TRAPPC8: variants seen among roughly 807,000 people sequenced by gnomAD.
The protein encoded by TRAPPC8 is general sporulation gene 1 homolog.
Under a neutral mutation model 174.3 loss-of-function variants are expected in TRAPPC8, and 54 were observed. That is an observed-to-expected ratio of 0.31 (90% CI 0.25 to 0.39). The LOEUF (loss-of-function observed/expected upper bound fraction) is 0.39. Among genes scored for constraint, TRAPPC8 ranks in the 10% least tolerant of loss-of-function variants. The pLI, the probability that TRAPPC8 is intolerant of heterozygous loss-of-function variation, is 1.00. For missense variants in TRAPPC8, 1,531 were observed against 1,699.1 expected, an observed-to-expected ratio of 0.90 and a Z score of 1.74; for synonymous variants, 630 against 579.9, an observed-to-expected ratio of 1.09 and a Z score of -1.24.
rs749972515 is a variant in TRAPPC8, at chr18:31,880,081, G to GAAAAAAA, written c.1729-5384_1729-5378dup. 1.5e-3 allele frequency among the ~76,000 whole-genome samples: 79 copies of GAAAAAAA among 52,708 alleles called. 1 individual carries two copies. The highest frequency in any genetic ancestry group is 6.3e-3 in the African/African-American group (67 of 10,676). 34.6% of individuals were successfully genotyped at this position (52,708 alleles called of 152,430 possible). ...TGGTACCAATTTTACTGAAACTATT[G>GAAAAAAA]AAAAAAAAAATATATATATATATAT... On this transcript the variant is annotated intron_variant, in intron 12 of 28. Transcript: ENST00000283351.
intron 2 of TRAPPC8, among the ~76,000 whole-genome samples, chr18:31,928,110 C>T (rs140994314): frequency 0.01 from 1,537 of 151,200 alleles, 31 homozygotes; most frequent in African/African-American, 0.035. Flanking sequence ...GAGCCAAGAT[C>T]GTGCCACTAC....
chr18:31,903,121 C>CGTGCGT lies in TRAPPC8; in HGVS notation c.1390-2097_1390-2096insACGCAC, dbSNP rs1555674907. Among the ~76,000 whole-genome samples the CGTGCGT allele has an allele frequency of 8.2e-3, 1,228 of 149,088 alleles. 7 individuals are homozygous for CGTGCGT. Among genetic ancestry groups the CGTGCGT allele is most frequent in the Non-Finnish European group, 0.012 (830 of 67,144 alleles). On this transcript the variant is annotated intron_variant, in intron 9 of 28. Transcript: ENST00000283351. ...TTTTGATTGCGCGCGTGCGTGCGTG[C>CGTGCGT]GTGTGTGTGTGTGTGTGTGTGTTTT...
At position 31,878,705 on chromosome 18, in the gene TRAPPC8, C is replaced by G. The variant is rs949619834; in HGVS notation, c.1729-4001G>C. The stretch of plus-strand genomic sequence containing the variant: ...ATTGTTCTACTCAAAAGACAAGATC[C>G]AAGCATATGCTATCTACAAGAGACC... On this transcript the variant is annotated intron_variant, in intron 12 of 28. Coordinates refer to ENST00000283351, the MANE Select transcript of TRAPPC8 (RefSeq NM_014939.5). Among the ~76,000 whole-genome samples, 90 of 152,064 alleles carry G rather than the reference C, an allele frequency of 5.9e-4. 2 individuals carry two copies. The highest frequency in any genetic ancestry group is 5.8e-3 in the Admixed American group (89 of 15,276).
At chr18:31,903,886 G>A (rs902732934) in intron 9 of TRAPPC8, among the ~76,000 whole-genome samples, 3 of 151,502 alleles carry the variant, frequency 2.0e-5, no homozygotes, top group Admixed American at 2.0e-4. Flanking sequence ...CATTCTACTG[G>A]CAATAACTAG....
At chr18:31,899,119 C>A (rs985357390) in intron 10 of TRAPPC8, among the ~76,000 whole-genome samples, 1 of 152,138 alleles carries the variant, frequency 6.6e-6, no homozygotes, top group South Asian at 2.1e-4. Flanking sequence ...ACACAAAAGA[C>A]TAACTCCTAT....
chr18:31,835,922 C>T (rs1000978684), intron 27 of TRAPPC8, among the ~76,000 whole-genome samples: 2 of 152,192 alleles, frequency 1.3e-5, no homozygotes, highest in African/African-American at 2.4e-5. Context: ...GGACTGGGCC[C>T]AAAATATATG....
rs536633135 is a variant in TRAPPC8 at position 31,931,649 on chromosome 18, G to A, written c.158-126C>T. ...AGAAGCCAGCAATTCCAAGTGGAACGTTCTTCCAGAAATATAAATGGTTGA... is the reference window on the plus strand; with the variant it reads ...AGAAGCCAGCAATTCCAAGTGGAACATTCTTCCAGAAATATAAATGGTTGA... On this transcript the variant is annotated intron_variant, in intron 1 of 28. Transcript: ENST00000283351. 4.8e-5 allele frequency: 30 copies of A among 631,226 alleles called. No homozygotes were observed. In the South Asian group the frequency reaches 7.8e-4, roughly 16 times the overall value. The allele number at this position is 631,226 out of a possible 1,614,324, so 39.1% of individuals were successfully genotyped here.
At chr18:31,833,603 C>A (rs904570215) in intron 27 of TRAPPC8, among the ~76,000 whole-genome samples, 2 of 152,186 alleles carry the variant, frequency 1.3e-5, no homozygotes, top group Admixed American at 6.5e-5. Flanking sequence ...AACCATGTTT[C>A]TCACACTTGA....
intron 11 of TRAPPC8, among the ~76,000 whole-genome samples, chr18:31,895,036 G>C (rs1367976571): frequency 6.6e-6 from 1 of 151,858 alleles, no homozygotes; most frequent in East Asian, 1.9e-4. Context: ...AGAATCCCAG[G>C]GCATAAAACA....
intron 28 of TRAPPC8, among the ~76,000 whole-genome samples, chr18:31,831,373 A>G (rs939391653): frequency 1.6e-4 from 25 of 152,338 alleles, no homozygotes; most frequent in African/African-American, 5.8e-4. Flanking sequence ...CATCCCTTTC[A>G]TCTAACAATT....
chr18:31,899,467 A>C (rs916166302), intron 10 of TRAPPC8, among the ~76,000 whole-genome samples: 2 of 152,148 alleles, frequency 1.3e-5, no homozygotes, highest in African/African-American at 4.8e-5. Flanking sequence ...CTTTTACTTC[A>C]ACATTATAGG....
At chr18:31,917,999 G>A (rs1370670961) in intron 2 of TRAPPC8, among the ~76,000 whole-genome samples, 1 of 152,032 alleles carries the variant, frequency 6.6e-6, no homozygotes, top group Non-Finnish European at 1.5e-5. Flanking sequence ...GGTGGCACGT[G>A]ACTGTAATCC....
At chr18:31,851,033 A>G (rs989220173) in intron 24 of TRAPPC8, among the ~76,000 whole-genome samples, 24 of 152,328 alleles carry the variant, frequency 1.6e-4, no homozygotes, top group African/African-American at 5.8e-4. Context: ...ATTTCTAAAT[A>G]GCTGTTTCCT....
intron 12 of TRAPPC8, among the ~76,000 whole-genome samples, chr18:31,890,222 G>T (rs1055977214): frequency 6.6e-6 from 1 of 152,088 alleles, no homozygotes; most frequent in African/African-American, 2.4e-5. Context: ...AGGACAACTG[G>T]GGCCGGATAA....
At chr18:31,853,580 T>C (rs907465051) in intron 22 of TRAPPC8, among the ~76,000 whole-genome samples, 5 of 152,154 alleles carry the variant, frequency 3.3e-5, no homozygotes, top group Non-Finnish European at 7.4e-5. Flanking sequence ...GGTTGAATTT[T>C]TGACAGTAAT....
Position 31,890,816 on chromosome 18 carries a change from A to G in TRAPPC8, c.1647T>C (p.Phe549=), listed in dbSNP as rs567020243. ...TAACCATGGGACTTTTCATGTTTAT[A>G]AAGCAATGTGCTGCCTGTTCCAAAA... ...ALLLEQAAHC[F]INMKSPMVRK... is the part of the protein sequence containing the mutation. Residue 549 remains phenylalanine (F), a synonymous_variant, in exon 12 of 29, where the codon TTT becomes TTC. Transcript: ENST00000283351. The G allele has an allele frequency of 6.2e-7, 1 of 1,612,856 alleles. No individual in the cohort carries two copies. The highest frequency in any genetic ancestry group is 1.7e-5 in the Admixed American group (1 of 59,922).
chr18:31,887,416 G>A (rs2035764471), intron 12 of TRAPPC8, among the ~76,000 whole-genome samples: 1 of 152,070 alleles, frequency 6.6e-6, no homozygotes, highest in African/African-American at 2.4e-5. Flanking sequence ...AGGCCAAGGC[G>A]GACGGATCAC....
intron 9 of TRAPPC8, among the ~76,000 whole-genome samples, chr18:31,906,969 T>C (rs891976614): frequency 2.0e-5 from 3 of 151,990 alleles, no homozygotes; most frequent in Non-Finnish European, 4.4e-5. Context: ...AACTTAAAAA[T>C]GTTTGTCAAG....
intron 1 of TRAPPC8, among the ~76,000 whole-genome samples, chr18:31,933,023 C>T (rs1385722044): frequency 8.1e-6 from 1 of 123,994 alleles, no homozygotes; most frequent in Non-Finnish European, 1.6e-5. Context: ...AAAAAAAAGC[C>T]GGGCGCAGTG....
Sources: gnomAD v4.1 joint callset for allele counts (sites outside exome capture counted in the v4.1 genomes callset) on GRCh38, gnomAD v4.1.1 for gene constraint, MANE v1.5 for transcripts, NCBI Gene and HGNC (gene_info 2026-07-23, HGNC 2026-07-21) for gene names.